MYO18B: variants seen among roughly 807,000 people sequenced by gnomAD.
The protein encoded by MYO18B is unconventional myosin-XVIIIb.
MYO18B carries 204 observed loss-of-function variants against 273.0 expected under a neutral mutation model. That is an observed-to-expected ratio of 0.75 (90% CI 0.67 to 0.84). The LOEUF (loss-of-function observed/expected upper bound fraction) is 0.84, where lower values mean the gene tolerates loss of function less well. Among genes scored for constraint, MYO18B ranks in the 40% least tolerant of loss-of-function variants. The pLI is 0.00. For synonymous variants in MYO18B, 1,330 were observed against 1,305.7 expected (o/e 1.02, Z -0.40); for missense variants, 3,212 against 3,287.6 (o/e 0.98, Z 0.56).
At chr22:25,769,474 C>T (rs1270916205) in intron 4 of MYO18B, 46 bp downstream of exon 4, 57 of 1,438,918 alleles carry the variant, frequency 4.0e-5, no homozygotes, top group Non-Finnish European at 5.3e-5. Flanking sequence ...AGACAGGCCT[C>T]TCCAGAGATG....
intron 1 of MYO18B, chr22:25,756,818 T>C (rs1187693754): frequency 1.3e-5 from 2 of 152,332 alleles, no homozygotes; most frequent in African/African-American, 4.8e-5. Context: ...CCCAGCACTT[T>C]GGGAGGCCGA....
At chr22:25,851,161 T>C (rs1296540136) in intron 20 of MYO18B, among the ~76,000 whole-genome samples, 1 of 152,182 alleles carries the variant, frequency 6.6e-6, no homozygotes, top group Non-Finnish European at 1.5e-5. Context: ...CTCAGAGCCT[T>C]TGACTTGGAT....
intron 34 of MYO18B, among the ~76,000 whole-genome samples, chr22:25,928,105 G>A (rs2092446810): frequency 6.6e-6 from 1 of 152,066 alleles, no homozygotes; most frequent in Non-Finnish European, 1.5e-5. Context: ...TGGAGTATAA[G>A]GTATCCAGGG....
Position 25,921,302 on chromosome 22 carries a change from C to T in MYO18B, c.5410C>T (p.Leu1804Phe), listed in dbSNP as rs1262639947. 1.3e-6 allele frequency: 2 copies of T among 1,559,158 alleles called. No homozygotes were observed. The highest frequency in any genetic ancestry group is 1.4e-5 in the African/African-American group (1 of 73,486). Residue 1804 changes from leucine to phenylalanine, a missense_variant, in exon 34 of 44, where the codon CTC (leucine) becomes TTC (phenylalanine). Transcript: ENST00000335473. ...FDVEKRLRRD[L>F]RRTHALLSDV... ...TGTGGAGAAGCGACTTCGGAGAGAC[C>T]TCAGGAGGACACATGCACTGTTGTC...
chr22:25,766,139 G>T (rs2086498272), intron 3 of MYO18B, among the ~76,000 whole-genome samples: 1 of 151,996 alleles, frequency 6.6e-6, no homozygotes, highest in Admixed American at 6.6e-5. Context: ...AAAAGGAAGG[G>T]CATCTAATAT....
chr22:25,778,679 A>G (rs1391398629), intron 8 of MYO18B, among the ~76,000 whole-genome samples: 1 of 151,708 alleles, frequency 6.6e-6, no homozygotes, highest in Admixed American at 6.6e-5. Flanking sequence ...TTTTGTAGAG[A>G]TGGGGCTTCA....
intron 12 of MYO18B, among the ~76,000 whole-genome samples, chr22:25,803,315 A>G (rs1400935863): frequency 6.6e-6 from 1 of 152,166 alleles, no homozygotes; most frequent in Non-Finnish European, 1.5e-5. Flanking sequence ...TCTATTTTGT[A>G]GGATGGATCA....
rs184249868 is a variant in MYO18B at position 25,930,721 on chromosome 22, G to A, written c.5517+9312G>A. ...ACTCCTGGGCTCAAGTGATCCACCCGCCTTGGCGTCCCAAAGTGCAGGGAC... is the reference window on the plus strand; with the variant it reads ...ACTCCTGGGCTCAAGTGATCCACCCACCTTGGCGTCCCAAAGTGCAGGGAC... On this transcript the variant is annotated intron_variant, in intron 34 of 43. Coordinates refer to ENST00000335473, the MANE Select transcript of MYO18B (RefSeq NM_032608.7). Among the ~76,000 whole-genome samples the A allele has an allele frequency of 5.9e-5, 9 of 152,080 alleles. No individual in the cohort carries two copies. The East Asian group carries it at 1.6e-3, about 26-fold the overall frequency.
Position 26,027,841 on chromosome 22 carries a change from T to C in MYO18B, c.*12+151T>C, listed in dbSNP as rs1244421370. 7 of 815,922 alleles carry C rather than the reference T, an allele frequency of 8.6e-6. No homozygotes were observed. Among genetic ancestry groups the C allele is most frequent in the Non-Finnish European group, 1.3e-5 (7 of 536,192 alleles). The allele number at this position is 815,922 out of a possible 1,614,324, so 50.5% of individuals were successfully genotyped here. ...GGTTTTAGCTGAAGTCATGTGTTGA[T>C]GGATGCAAAGCTTTTCAGAACCCCT... On this transcript the variant is annotated intron_variant, in intron 43 of 43. Coordinates refer to ENST00000335473, the MANE Select transcript of MYO18B (RefSeq NM_032608.7). The surrounding 1 kb of genome is among the most constrained non-coding windows in gnomAD (Gnocchi z 4.1).
Position 25,997,293 on chromosome 22 carries a change from A to C in MYO18B, c.6287+4800A>C, listed in dbSNP as rs191339574. Among the ~76,000 whole-genome samples the C allele has an allele frequency of 1.2e-3, 152 of 124,082 alleles. 4 individuals are homozygous for C. The South Asian group carries it at 0.023, about 18-fold the overall frequency. 81.4% of individuals were successfully genotyped at this position (124,082 alleles called of 152,430 possible). ...GTACTATAGCCTGGGCAACAGAGTGAAACTCTGTCGCCAAAAAAAAAAAAA... is the reference window on the plus strand; with the variant it reads ...GTACTATAGCCTGGGCAACAGAGTGCAACTCTGTCGCCAAAAAAAAAAAAA... On this transcript the variant is annotated intron_variant, in intron 40 of 43. Transcript: ENST00000335473.
chr22:25,836,340 A>G (rs921935235), intron 17 of MYO18B, among the ~76,000 whole-genome samples: 2 of 152,132 alleles, frequency 1.3e-5, no homozygotes, highest in Admixed American at 6.5e-5. Context: ...TGATTGGGTA[A>G]TATTATGTGC....
intron 22 of MYO18B, among the ~76,000 whole-genome samples, chr22:25,871,891 T>C (rs2091057196): frequency 6.6e-6 from 1 of 152,244 alleles, no homozygotes; most frequent in African/African-American, 2.4e-5. Context: ...ATCTTTTTAA[T>C]GAAAGCTTCA....
At position 25,760,968 on chromosome 22, in the gene MYO18B, T is replaced by G; in HGVS notation, c.-109-16T>G. ...CTGTCTCTCTCTTCTCTCCCCACTG[T>G]GTCCCTGTGTGTCAGTTCTGTGTCC... On this transcript the variant is annotated splice_polypyrimidine_tract_variant and intron_variant, in intron 1 of 43. Transcript: ENST00000335473. The G allele has an allele frequency of 1.9e-6, 2 of 1,044,656 alleles. No individual in the cohort carries two copies. The highest frequency in any genetic ancestry group is 2.9e-6 in the Non-Finnish European group (2 of 679,886). 64.7% of individuals were successfully genotyped at this position (1,044,656 alleles called of 1,614,324 possible). A position where few individuals can be genotyped will look rare whatever the true frequency, so the allele number is the denominator to read the frequency against.
At chr22:25,812,325 G>GCT (rs1431995334) in intron 12 of MYO18B, among the ~76,000 whole-genome samples, 1 of 152,074 alleles carries the variant, frequency 6.6e-6, no homozygotes, top group Non-Finnish European at 1.5e-5. Flanking sequence ...ACTCTGCTTG[G>GCT]CTCTCCTCCA....
the MYO18B span, among the ~76,000 whole-genome samples, chr22:26,057,624 G>A: frequency 6.8e-6 from 1 of 146,986 alleles, no homozygotes; most frequent in South Asian, 2.2e-4. Flanking sequence ...TTGAAATATT[G>A]ACACTCATTT....
chr22:26,055,043 C>G, the MYO18B span, among the ~76,000 whole-genome samples: 4 of 152,158 alleles, frequency 2.6e-5, no homozygotes, highest in African/African-American at 7.2e-5. Flanking sequence ...AGTAGATGTT[C>G]ACACCCCTCA....
chr22:25,893,049 C>G (rs2091703819), intron 27 of MYO18B, among the ~76,000 whole-genome samples: 1 of 152,098 alleles, frequency 6.6e-6, no homozygotes. Context: ...TTCCAAGAAG[C>G]CAACCCACAA....
At chr22:25,862,245 C>T (rs987218319) in intron 21 of MYO18B, among the ~76,000 whole-genome samples, 3 of 152,090 alleles carry the variant, frequency 2.0e-5, no homozygotes, top group African/African-American at 7.2e-5. Context: ...AACCAATTCT[C>T]CATGGATACT....
chr22:25,892,854 A>G (rs992149095), intron 27 of MYO18B, among the ~76,000 whole-genome samples: 1 of 152,126 alleles, frequency 6.6e-6, no homozygotes, highest in African/African-American at 2.4e-5. Context: ...CCTTGGAGGT[A>G]ATTTCTATAA....
Sources: gnomAD v4.1 joint callset for allele counts (sites outside exome capture counted in the v4.1 genomes callset) on GRCh38, gnomAD v4.1.1 for gene constraint, Gnocchi (gnomAD v3.1) non-coding constraint, MANE v1.5 for transcripts, NCBI Gene and HGNC (gene_info 2026-07-23, HGNC 2026-07-21) for gene names.